Variants in VSIR observed in about 807,000 individuals in gnomAD.
VSIR encodes the protein V-type immunoglobulin domain-containing suppressor of T-cell activation.
A neutral mutation model predicts 31.0 loss-of-function variants in VSIR; 10 were observed. That is an observed-to-expected ratio of 0.32 (90% CI 0.20 to 0.55). The LOEUF is 0.55. VSIR is among the 20% of genes least tolerant of loss of function. VSIR has a pLI of 0.93. For missense variants in VSIR, 356 were observed against 416.2 expected (o/e 0.86, Z 1.26); for synonymous variants, 179 against 180.1 (o/e 0.99, Z 0.05).
intron 1 of VSIR, among the ~76,000 whole-genome samples, chr10:71,763,665 A>T (rs1046225280): frequency 3.9e-5 from 6 of 152,234 alleles, no homozygotes; most frequent in African/African-American, 1.2e-4. Context: ...TTTTCCCAGA[A>T]ATGAAAACAT....
At chr10:71,765,390 G>A (rs1037575519) in intron 1 of VSIR, among the ~76,000 whole-genome samples, 4 of 152,368 alleles carry the variant, frequency 2.6e-5, no homozygotes, top group African/African-American at 9.6e-5. Flanking sequence ...GCAGAGTAGA[G>A]CTGGCAGCCA....
intron 1 of VSIR, among the ~76,000 whole-genome samples, chr10:71,772,822 CTG>C (rs912030548): frequency 5.3e-5 from 8 of 152,316 alleles, no homozygotes; most frequent in African/African-American, 1.9e-4. Flanking sequence ...AGTGCTGCCT[CTG>C]TGTCTGAAAG....
chr10:71,763,818 T>C (rs950378789), intron 1 of VSIR, among the ~76,000 whole-genome samples: 13 of 151,942 alleles, frequency 8.6e-5, no homozygotes, highest in Admixed American at 8.5e-4. Flanking sequence ...CTCCTAGGAG[T>C]GAGAAGCACA....
At position 71,752,966 on chromosome 10, in the gene VSIR, G is replaced by A; in HGVS notation, c.704+9C>T. Reference sequence around the variant, plus strand: ...GAAGTTTTCTCAAGAAGGTCTCCATGGGCCTTACCTGTCCATCCGCACCAG... The same window carrying A: ...GAAGTTTTCTCAAGAAGGTCTCCATAGGCCTTACCTGTCCATCCGCACCAG... On this transcript the variant is annotated intron_variant, in intron 5 of 6. Coordinates refer to ENST00000394957, the MANE Select transcript of VSIR (RefSeq NM_022153.2). The A allele has an allele frequency of 6.2e-7, 1 of 1,612,582 alleles. No homozygotes were observed. The highest frequency in any genetic ancestry group is 8.5e-7 in the Non-Finnish European group (1 of 1,179,246).
intron 4 of VSIR, chr10:71,755,151 C>A: frequency 1.5e-6 from 1 of 659,094 alleles, no homozygotes; most frequent in East Asian, 2.9e-5. Context: ...GCCAAAGGGG[C>A]TGGTGGGCAC....
chr10:71,759,916 T>C (rs1360687014), intron 3 of VSIR, among the ~76,000 whole-genome samples: 357 of 31,726 alleles, frequency 0.011, 17 homozygotes, highest in South Asian at 0.017. Context: ...CACACACACA[T>C]ATATACACAC....
chr10:71,755,905 T>C (rs6480552), intron 3 of VSIR, among the ~76,000 whole-genome samples: 50,412 of 152,042 alleles, frequency 0.33, 8,548 homozygotes, highest in Non-Finnish European at 0.38. Context: ...CGGTTGCACA[T>C]TGTGAATGTA....
intron 1 of VSIR, among the ~76,000 whole-genome samples, chr10:71,764,485 T>C (rs1336027780): frequency 1.3e-5 from 2 of 152,214 alleles, no homozygotes; most frequent in Non-Finnish European, 2.9e-5. Flanking sequence ...AAAATCTTTT[T>C]AATTTTCTTG....
At chr10:71,772,064 G>T (rs1195316885) in intron 1 of VSIR, among the ~76,000 whole-genome samples, 1 of 152,168 alleles carries the variant, frequency 6.6e-6, no homozygotes, top group African/African-American at 2.4e-5. Context: ...CATGGCCTTG[G>T]TGCTGAGACT....
chr10:71,771,015 TCAA>T (rs575653858), intron 1 of VSIR, among the ~76,000 whole-genome samples: 1 of 152,190 alleles, frequency 6.6e-6, no homozygotes, highest in South Asian at 2.1e-4. Context: ...ACTGGGTTAC[TCAA>T]CAAGGCCCTG....
chr10:71,764,220 A>G (rs1840471752), intron 1 of VSIR, among the ~76,000 whole-genome samples: 1 of 152,186 alleles, frequency 6.6e-6, no homozygotes, highest in Non-Finnish European at 1.5e-5. Flanking sequence ...AAGACACAGC[A>G]TGTGTTGTGC....
intron 5 of VSIR, among the ~76,000 whole-genome samples, chr10:71,752,729 G>C (rs1840036431): frequency 6.6e-6 from 1 of 152,170 alleles, no homozygotes; most frequent in South Asian, 2.1e-4. Flanking sequence ...TCCTGGCCCA[G>C]GCTGACCACT....
intron 1 of VSIR, among the ~76,000 whole-genome samples, chr10:71,772,591 C>T (rs1001670715): frequency 6.6e-6 from 1 of 152,202 alleles, no homozygotes; most frequent in South Asian, 2.1e-4. Flanking sequence ...ATGGTGCTTC[C>T]CTGTGTGGGC....
At chr10:71,764,506 A>G (rs1840481091) in intron 1 of VSIR, among the ~76,000 whole-genome samples, 1 of 152,206 alleles carries the variant, frequency 6.6e-6, no homozygotes, top group South Asian at 2.1e-4. Context: ...AGATGGCAAC[A>G]TTTAAAAACC....
chr10:71,761,296 C>T lies in VSIR; in HGVS notation c.511+302G>A, dbSNP rs546288854. On this transcript the variant is annotated intron_variant, in intron 2 of 6. Transcript: ENST00000394957. ...TCAGTCCCACTGATGCCTATACCCA[C>T]AGCAGCCATGATGTCATCATGAGCA... Among the ~76,000 whole-genome samples the T allele has an allele frequency of 1.1e-4, 16 of 152,358 alleles. No homozygotes were observed. In the South Asian group the frequency reaches 2.5e-3, roughly 24 times the overall value.
intron 1 of VSIR, among the ~76,000 whole-genome samples, chr10:71,772,002 C>T (rs1840696231): frequency 6.6e-6 from 1 of 152,220 alleles, no homozygotes; most frequent in African/African-American, 2.4e-5. Context: ...TGCTGGCTTG[C>T]CTGCCTGCCA....
chr10:71,761,033 T>A, intron 2 of VSIR, 109 bp from the exon 3 acceptor site: 3 of 1,102,190 alleles, frequency 2.7e-6, no homozygotes, highest in Non-Finnish European at 4.1e-6. Context: ...CGCTAGTGCC[T>A]ACTCGGCAGT....
At chr10:71,771,201 C>A (rs1004062048) in intron 1 of VSIR, among the ~76,000 whole-genome samples, 1 of 152,126 alleles carries the variant, frequency 6.6e-6, no homozygotes, top group Non-Finnish European at 1.5e-5. Context: ...GCTCTGCTAC[C>A]CTTGAGATCT....
intron 3 of VSIR, among the ~76,000 whole-genome samples, chr10:71,759,856 C>CACACATATATAT: frequency 9.0e-6 from 1 of 111,676 alleles, no homozygotes; most frequent in Non-Finnish European, 2.0e-5. Context: ...CATATACACA[C>CACACATATATAT]ACACACACAT....
Sources: allele counts gnomAD v4.1 joint callset (sites outside exome capture counted in the v4.1 genomes callset), GRCh38; gene constraint gnomAD v4.1.1; transcripts MANE v1.5; gene names NCBI Gene and HGNC (gene_info 2026-07-23, HGNC 2026-07-21).